NKAIN2: variants seen among roughly 807,000 people sequenced by gnomAD.
NKAIN2 encodes sodium/potassium-transporting ATPase subunit beta-1-interacting protein 2.
In NKAIN2, 14 loss-of-function variants were observed where a neutral mutation model predicts 32.6. The ratio of observed to expected loss-of-function variants is 0.43; its 90% CI spans 0.28 to 0.67. The LOEUF (loss-of-function observed/expected upper bound fraction) is 0.67, where lower values mean the gene tolerates loss of function less well. Ranked by LOEUF, NKAIN2 falls within the 30% of genes least tolerant of loss-of-function variation. The probability of loss-of-function intolerance (pLI) is 0.17; values close to 1 mark genes in which losing one functional copy is unlikely to be tolerated. For synonymous variants in NKAIN2, 80 were observed against 87.2 expected (o/e 0.92, Z 0.46); for missense variants, 198 against 258.3 (o/e 0.77, Z 1.60).
chr6:124,155,752 T>A (rs2114418910), intron 1 of NKAIN2, among the ~76,000 whole-genome samples: 2 of 152,216 alleles, frequency 1.3e-5, no homozygotes, highest in South Asian at 4.1e-4. Context: ...TGACACATGA[T>A]GGTAATAGAT....
rs1781164078 is a variant in NKAIN2 at position 124,572,491 on chromosome 6, C to T, written c.274-85695C>T. 2.0e-5 allele frequency among the ~76,000 whole-genome samples: 3 copies of T among 152,292 alleles called. No homozygotes were observed. In the East Asian group the frequency reaches 5.8e-4, roughly 29 times the overall value. On this transcript the variant is annotated intron_variant, in intron 3 of 6. Coordinates refer to ENST00000368417, the MANE Select transcript of NKAIN2 (RefSeq NM_001040214.3). ...AAATGTTGAATCCCAGTTAATCTTTCCGGTAAATTATTTATTTTCAGAGAG... is the reference window on the plus strand; with the variant it reads ...AAATGTTGAATCCCAGTTAATCTTTTCGGTAAATTATTTATTTTCAGAGAG...
rs1390530917 is a variant in NKAIN2, at chr6:124,035,054, GA to G, written c.54+230806del. The stretch of plus-strand genomic sequence containing the variant: ...CCTCATATAGTAACTACAAGTACAA[GA>G]AAAAATGTCTAATATGCTTCGATTG... On this transcript the variant is annotated intron_variant, in intron 1 of 6. Transcript: ENST00000368417. Among the ~76,000 whole-genome samples the G allele has an allele frequency of 3.3e-5, 5 of 152,016 alleles. No individual in the cohort carries two copies. In the East Asian group the frequency reaches 9.7e-4, roughly 30 times the overall value.
At chr6:124,708,127 G>C (rs964083361) in intron 4 of NKAIN2, among the ~76,000 whole-genome samples, 4 of 147,908 alleles carry the variant, frequency 2.7e-5, no homozygotes, top group Admixed American at 6.8e-5. Flanking sequence ...GTTTTTCTCA[G>C]GTTTGTCAAA....
intron 1 of NKAIN2, among the ~76,000 whole-genome samples, chr6:124,264,378 A>C (rs551291423): frequency 6.6e-6 from 1 of 152,214 alleles, no homozygotes; most frequent in South Asian, 2.1e-4. Flanking sequence ...ATGGTATGGA[A>C]AACAATAAGC....
intron 1 of NKAIN2, among the ~76,000 whole-genome samples, chr6:124,169,722 T>G (rs775332793): frequency 2.0e-5 from 3 of 152,144 alleles, no homozygotes; most frequent in Non-Finnish European, 2.9e-5. Flanking sequence ...ATGGAAAATC[T>G]TATCTCCATG....
chr6:124,662,118 G>A (rs920998765), intron 4 of NKAIN2, among the ~76,000 whole-genome samples: 5 of 152,148 alleles, frequency 3.3e-5, no homozygotes, highest in African/African-American at 1.2e-4. Flanking sequence ...GATTCCCGGA[G>A]TGTAAAAATT....
chr6:124,538,785 A>G (rs527691415), intron 3 of NKAIN2, among the ~76,000 whole-genome samples: 1 of 152,086 alleles, frequency 6.6e-6, no homozygotes, highest in Non-Finnish European at 1.5e-5. Context: ...ATATTCTAGT[A>G]TACTAATTTT....
intron 1 of NKAIN2, among the ~76,000 whole-genome samples, chr6:123,833,791 G>A (rs371139274): frequency 6.8e-6 from 1 of 147,158 alleles, no homozygotes; most frequent in Non-Finnish European, 1.5e-5. Flanking sequence ...ACAGTGGCAC[G>A]ATCTCGGCTC....
intron 1 of NKAIN2, among the ~76,000 whole-genome samples, chr6:124,049,422 T>C (rs1308179737): frequency 1.3e-5 from 2 of 151,860 alleles, no homozygotes; most frequent in Admixed American, 1.3e-4. Flanking sequence ...TGTTTAGAGC[T>C]CCCCCGGGTT....
In NKAIN2 at chr6:124,287,558, A is replaced by G. The variant is rs73565701; in HGVS notation, c.192+4416A>G. Among the ~76,000 whole-genome samples, 601 of 152,304 alleles carry G rather than the reference A, an allele frequency of 3.9e-3. 5 individuals carry two copies. Among genetic ancestry groups the G allele is most frequent in the African/African-American group, 0.014 (581 of 41,558 alleles). The stretch of plus-strand genomic sequence containing the variant: ...TGCAGAATATAGTATGCTGAAGGAA[A>G]ATGAAATAGATGTTTTCAGGTCCAA... On this transcript the variant is annotated intron_variant, in intron 2 of 6. Transcript: ENST00000368417.
chr6:124,292,420 T>G (rs553475269), intron 2 of NKAIN2, among the ~76,000 whole-genome samples: 1 of 152,186 alleles, frequency 6.6e-6, no homozygotes, highest in Admixed American at 6.6e-5. Flanking sequence ...TAGGACTATA[T>G]TTGTTGTATG....
At chr6:124,584,176 C>A (rs538595324) in intron 3 of NKAIN2, among the ~76,000 whole-genome samples, 2 of 152,158 alleles carry the variant, frequency 1.3e-5, no homozygotes, top group East Asian at 3.9e-4. Flanking sequence ...TTCTGCACTG[C>A]AAAGGAAACC....
At chr6:124,780,788 A>G (rs1201486487) in intron 4 of NKAIN2, among the ~76,000 whole-genome samples, 2 of 152,340 alleles carry the variant, frequency 1.3e-5, no homozygotes, top group Admixed American at 6.5e-5. Flanking sequence ...ACTCACCAAT[A>G]TATGTCTAAC....
chr6:124,110,972 C>G (rs1306753818), intron 1 of NKAIN2, among the ~76,000 whole-genome samples: 1 of 152,042 alleles, frequency 6.6e-6, no homozygotes, highest in Non-Finnish European at 1.5e-5. Flanking sequence ...GTGAAGTCAT[C>G]TTATCCTGGG....
At position 123,885,318 on chromosome 6, in the gene NKAIN2, C is replaced by T. The variant is rs78805218; in HGVS notation, c.54+81064C>T. 9.6e-3 allele frequency among the ~76,000 whole-genome samples: 1,463 copies of T among 152,210 alleles called. 37 individuals are homozygous for T. The East Asian group carries it at 0.11, about 11-fold the overall frequency. On this transcript the variant is annotated intron_variant, in intron 1 of 6. Transcript: ENST00000368417. Reference sequence around the variant, plus strand: ...TATAAAATTTGCTTCTGATTAGCAGCTCCAAGACTTTGACATCCTACAGTT... The same window carrying T: ...TATAAAATTTGCTTCTGATTAGCAGTTCCAAGACTTTGACATCCTACAGTT...
chr6:124,651,931 C>A (rs1784383377), intron 3 of NKAIN2, among the ~76,000 whole-genome samples: 1 of 152,128 alleles, frequency 6.6e-6, no homozygotes, highest in Non-Finnish European at 1.5e-5. Flanking sequence ...TAAAAAAGGT[C>A]TTTTATTCTG....
chr6:124,291,827 T>C (rs1795827778), intron 2 of NKAIN2, among the ~76,000 whole-genome samples: 1 of 152,092 alleles, frequency 6.6e-6, no homozygotes, highest in South Asian at 2.1e-4. Context: ...AACTCAACCA[T>C]CTGGCTCCTC....
At chr6:123,970,967 A>G (rs367629993) in intron 1 of NKAIN2, among the ~76,000 whole-genome samples, 3 of 152,288 alleles carry the variant, frequency 2.0e-5, no homozygotes, top group African/African-American at 7.2e-5. Flanking sequence ...AATCTTTGCA[A>G]TTTAAGTCAT....
At chr6:123,887,452 G>C (rs1773779149) in intron 1 of NKAIN2, among the ~76,000 whole-genome samples, 1 of 152,072 alleles carries the variant, frequency 6.6e-6, no homozygotes, top group Non-Finnish European at 1.5e-5. Context: ...AAACCAGATG[G>C]AAAAATCAGG....
Sources: allele counts gnomAD v4.1 joint callset (sites outside exome capture counted in the v4.1 genomes callset), GRCh38; gene constraint gnomAD v4.1.1; transcripts MANE v1.5; gene names NCBI Gene and HGNC (gene_info 2026-07-23, HGNC 2026-07-21).